The following SLC9A9 variants were observed in gnomAD, a reference collection of about 807,000 sequenced individuals.
SLC9A9 encodes sodium/hydrogen exchanger 9.
SLC9A9 carries 62 observed loss-of-function variants against 77.8 expected under a neutral mutation model. The observed-to-expected ratio is 0.80, with a 90% CI of 0.65 to 0.98. SLC9A9 has a LOEUF of 0.98. SLC9A9 is among the 50% of genes least tolerant of loss of function. SLC9A9 has a pLI of 0.00. For synonymous variants in SLC9A9, 320 were observed against 283.5 expected (o/e 1.13, Z -1.29); for missense variants, 775 against 774.9 (o/e 1.00, Z 0.00).
chr3:143,383,999 A>G (rs377050365), intron 12 of SLC9A9, among the ~76,000 whole-genome samples: 1 of 152,210 alleles, frequency 6.6e-6, no homozygotes, highest in East Asian at 1.9e-4. Flanking sequence ...CCAAGGGAAC[A>G]AATTAATAGC....
chr3:143,796,598 G>A (rs923456050), intron 3 of SLC9A9, among the ~76,000 whole-genome samples: 46 of 152,080 alleles, frequency 3.0e-4, no homozygotes, highest in Admixed American at 1.8e-3. Flanking sequence ...CAGACAAGAC[G>A]CATTTCAAGA....
chr3:143,436,750 C>A (rs1411105970), intron 12 of SLC9A9, among the ~76,000 whole-genome samples: 1 of 152,198 alleles, frequency 6.6e-6, no homozygotes, highest in African/African-American at 2.4e-5. Flanking sequence ...CCTAATGGAC[C>A]AGCAAGAGAG....
chr3:143,278,438 A>ATTAGT (rs1453341497), intron 14 of SLC9A9, among the ~76,000 whole-genome samples: 1 of 152,168 alleles, frequency 6.6e-6, no homozygotes, highest in Admixed American at 6.5e-5. Flanking sequence ...TATTTTGTCT[A>ATTAGT]TTAGTTTCAT....
chr3:143,486,698 G>A (rs977509472), intron 11 of SLC9A9, among the ~76,000 whole-genome samples: 2 of 151,980 alleles, frequency 1.3e-5, no homozygotes, highest in African/African-American at 4.8e-5. Context: ...ATGTTAAGCT[G>A]GGGTAAATTT....
At chr3:143,344,147 A>G (rs1485324776) in intron 14 of SLC9A9, among the ~76,000 whole-genome samples, 1 of 152,172 alleles carries the variant, frequency 6.6e-6, no homozygotes, top group Non-Finnish European at 1.5e-5. Flanking sequence ...CTCATTATTA[A>G]CTGACAAAGG....
chr3:143,663,523 T>G (rs1010634131), intron 5 of SLC9A9, among the ~76,000 whole-genome samples: 1 of 152,282 alleles, frequency 6.6e-6, no homozygotes, highest in South Asian at 2.1e-4. Context: ...TTCTCTGAGC[T>G]AAAGGTGGAC....
chr3:143,442,048 T>C (rs370392013), intron 12 of SLC9A9, among the ~76,000 whole-genome samples: 115 of 152,136 alleles, frequency 7.6e-4, no homozygotes, highest in African/African-American at 2.7e-3. Context: ...TAACTACCCA[T>C]CCATCCACCC....
intron 6 of SLC9A9, among the ~76,000 whole-genome samples, chr3:143,592,348 G>C (rs974343242): frequency 5.9e-5 from 9 of 152,144 alleles, no homozygotes; most frequent in African/African-American, 2.2e-4. Flanking sequence ...GCCAAGACTG[G>C]TCACTGCACT....
intron 6 of SLC9A9, among the ~76,000 whole-genome samples, chr3:143,633,430 C>T (rs1057046834): frequency 4.6e-5 from 7 of 151,976 alleles, no homozygotes; most frequent in Non-Finnish European, 8.8e-5. Context: ...TCAGAAACTT[C>T]GTTTTTTAAC....
chr3:143,282,237 A>G (rs1938241694), intron 14 of SLC9A9, among the ~76,000 whole-genome samples: 1 of 152,148 alleles, frequency 6.6e-6, no homozygotes, highest in Non-Finnish European at 1.5e-5. Flanking sequence ...GTTCCACATC[A>G]GCAATAACCA....
In SLC9A9 at chr3:143,602,816, G is replaced by A. The variant is rs570917653; in HGVS notation, c.756-24093C>T. On this transcript the variant is annotated intron_variant, in intron 6 of 15. Transcript: ENST00000316549. ...CTTGGAAAACGATTCCCTTCATTCA[G>A]TTTCAACTCTGTCCCTGAGGGCCAT... is the stretch of plus-strand genomic sequence containing the variant. Among the ~76,000 whole-genome samples the A allele has an allele frequency of 1.1e-4, 16 of 152,306 alleles. No homozygotes were observed. In the South Asian group the frequency reaches 2.9e-3, roughly 28 times the overall value.
intron 12 of SLC9A9, among the ~76,000 whole-genome samples, chr3:143,428,678 C>T (rs748558016): frequency 1.4e-4 from 21 of 149,184 alleles, no homozygotes; most frequent in Non-Finnish European, 2.7e-4. Context: ...ATGAAATCAA[C>T]CTAAATGCCC....
intron 12 of SLC9A9, among the ~76,000 whole-genome samples, chr3:143,450,853 T>C (rs1472586213): frequency 3.3e-5 from 5 of 152,072 alleles, no homozygotes; most frequent in African/African-American, 1.2e-4. Flanking sequence ...GTGATGGCCA[T>C]CACATGGGCT....
At chr3:143,401,766 T>C (rs1056949022) in intron 12 of SLC9A9, among the ~76,000 whole-genome samples, 4 of 152,012 alleles carry the variant, frequency 2.6e-5, no homozygotes, top group African/African-American at 4.8e-5. Context: ...ATGTCAGGAG[T>C]GCAGATCATA....
intron 9 of SLC9A9, among the ~76,000 whole-genome samples, chr3:143,540,300 A>G (rs2036665752): frequency 2.0e-5 from 3 of 152,220 alleles, no homozygotes; most frequent in Admixed American, 2.0e-4. Flanking sequence ...AAACAGAATA[A>G]TATCTGTCAT....
At chr3:143,737,829 C>T (rs1934980921) in intron 4 of SLC9A9, among the ~76,000 whole-genome samples, 1 of 152,018 alleles carries the variant, frequency 6.6e-6, no homozygotes, top group Non-Finnish European at 1.5e-5. Context: ...TCTCAGTCAC[C>T]CCGGCCCGAG....
intron 4 of SLC9A9, among the ~76,000 whole-genome samples, chr3:143,737,646 T>C (rs1032139756): frequency 6.6e-6 from 1 of 152,246 alleles, no homozygotes; most frequent in Non-Finnish European, 1.5e-5. Context: ...TAGTTAATAT[T>C]ACAGTTTCTT....
chr3:143,778,666 G>C (rs1222722702), intron 4 of SLC9A9, among the ~76,000 whole-genome samples: 3 of 152,122 alleles, frequency 2.0e-5, no homozygotes, highest in African/African-American at 7.2e-5. Context: ...TAGAAAATTA[G>C]TTAAATTTAG....
chr3:143,566,595 TA>T (rs145436100), intron 8 of SLC9A9, among the ~76,000 whole-genome samples: 18,540 of 152,158 alleles, frequency 0.12, 1,175 homozygotes, highest in Non-Finnish European at 0.13. Flanking sequence ...GAAGTCATTC[TA>T]AGCTGAGTAA....
Sources: allele counts gnomAD v4.1 joint callset (sites outside exome capture counted in the v4.1 genomes callset), GRCh38; gene constraint gnomAD v4.1.1; transcripts MANE v1.5; gene names NCBI Gene and HGNC (gene_info 2026-07-23, HGNC 2026-07-21).